The following ADCY9 variants were observed in gnomAD, a reference collection of about 807,000 sequenced individuals.
ADCY9 encodes adenylate cyclase 9.
In ADCY9, 50 loss-of-function variants were observed where a neutral mutation model predicts 101.5. That is an observed-to-expected ratio of 0.49 (90% CI 0.39 to 0.62). The LOEUF (loss-of-function observed/expected upper bound fraction) is 0.62. Ranked by LOEUF, ADCY9 falls within the 20% of genes least tolerant of loss-of-function variation. ADCY9 has a pLI of 0.00. For missense variants in ADCY9, 1,662 were observed against 1,800.4 expected (o/e 0.92, Z 1.39); for synonymous variants, 905 against 769.3 (o/e 1.18, Z -2.92).
At chr16:4,075,300 A>T (rs2141173321) in intron 2 of ADCY9, among the ~76,000 whole-genome samples, 1 of 152,252 alleles carries the variant, frequency 6.6e-6, no homozygotes, top group South Asian at 2.1e-4. Context: ...CACCACGCCC[A>T]GATAATTTTT....
At position 3,965,869 on chromosome 16, in the gene ADCY9, C is replaced by G. The variant is rs149834476; in HGVS notation, c.3968G>C (p.Arg1323Pro). 2.5e-6 allele frequency: 4 copies of G among 1,614,212 alleles called. No homozygotes were observed. Among genetic ancestry groups the G allele is most frequent in the Admixed American group, 3.3e-5 (2 of 60,026 alleles). The change falls in exon 11 of 11, where the codon CGA becomes CCA. Residue 1323 changes from arginine (R) to proline (P), a missense_variant. Transcript: ENST00000294016. ...GTCTTTCTCTATGGCTTTGCCAAAT[C>G]GACCCCTTTCTTCGGCTTTGACGGG... ...KEPVKAEERG[R>P]FGKAIEKDDC...
At chr16:4,006,015 GCAT>G (rs952230235) in intron 3 of ADCY9, among the ~76,000 whole-genome samples, 22 of 152,282 alleles carry the variant, frequency 1.4e-4, no homozygotes, top group African/African-American at 4.6e-4. Context: ...AAGTTTGCAG[GCAT>G]CCAGGGAATC....
In ADCY9 at chr16:3,992,809, C is replaced by G. The variant is rs60392977; in HGVS notation, c.1990-446G>C. ...AAGGTGGATGGAAACGGGCTCGTGT[C>G]GTGGGTGTCCCCCGTGGCTGTGGGA... is the stretch of plus-strand genomic sequence containing the variant. On this transcript the variant is annotated intron_variant, in intron 4 of 10. Transcript: ENST00000294016. The surrounding 1 kb of genome is among the most constrained non-coding windows in gnomAD (Gnocchi z 4.2). Among the ~76,000 whole-genome samples, 1 of 151,950 alleles carries G rather than the reference C, an allele frequency of 6.6e-6. No individual in the cohort carries two copies. The highest frequency in any genetic ancestry group is 2.1e-4 in the South Asian group (1 of 4,810).
chr16:4,059,758 C>A (rs764748746), intron 2 of ADCY9, among the ~76,000 whole-genome samples: 1 of 151,980 alleles, frequency 6.6e-6, no homozygotes, highest in Admixed American at 6.6e-5. Flanking sequence ...GTCAGCCTGG[C>A]GTGGTGATGC....
chr16:4,097,553 A>ATATATATATTT lies in ADCY9; in HGVS notation c.1693+16196_1693+16197insAAATATATATA, dbSNP rs1382458827. Reference sequence around the variant, plus strand: ...CATATATATATATATATATATATATATTTTTTTTTTTTTTTTTTAAGACAG... The same window carrying ATATATATATTT: ...CATATATATATATATATATATATATATATATATATTTTTTTTTTTTTTTTTTTTTAAGACAG... On this transcript the variant is annotated intron_variant, in intron 2 of 10. Coordinates refer to ENST00000294016, the MANE Select transcript of ADCY9 (RefSeq NM_001116.4). Among the ~76,000 whole-genome samples, 91 of 53,396 alleles carry ATATATATATTT rather than the reference A, an allele frequency of 1.7e-3. 3 individuals carry two copies. The highest frequency in any genetic ancestry group is 2.3e-3 in the East Asian group (3 of 1,314). The allele number at this position is 53,396 out of a possible 152,430, so 35.0% of individuals were successfully genotyped here. A position where few individuals can be genotyped will look rare whatever the true frequency, so the allele number is the denominator to read the frequency against.
rs1057176971 is a variant in ADCY9 at position 3,964,873 on chromosome 16, T to G, written c.*902A>C. ...CCAGCACCCCTCCCGGGAGCGCACA[T>G]GCTTCCGGGTAAATAAATAAATAAA... On this transcript the variant is annotated 3_prime_UTR_variant, in exon 11 of 11. Transcript: ENST00000294016. The G allele has an allele frequency of 8.0e-5, 12 of 150,628 alleles. No homozygotes were observed. The highest frequency in any genetic ancestry group is 2.7e-4 in the African/African-American group (11 of 41,380). The allele number at this position is 150,628 out of a possible 1,614,324, so 9.3% of individuals were successfully genotyped here.
intron 2 of ADCY9, among the ~76,000 whole-genome samples, chr16:4,104,028 C>T (rs138745629): frequency 0.015 from 2,270 of 152,268 alleles, 14 homozygotes; most frequent in South Asian, 0.029. Context: ...GGATTGCAAG[C>T]TGAACTGGCC....
chr16:3,989,160 A>G, intron 5 of ADCY9, 64 bp from the exon 6 acceptor site: 1 of 1,256,006 alleles, frequency 8.0e-7, no homozygotes, highest in Middle Eastern at 1.9e-4. Flanking sequence ...ATGTTTTCAG[A>G]TCATAATTAG....
At chr16:3,959,401 C>T (rs1212118603), downstream of ADCY9, among the ~76,000 whole-genome samples, 1 of 151,468 alleles carries the variant, frequency 6.6e-6, no homozygotes, top group African/African-American at 2.4e-5. Context: ...CTTGATTCCT[C>T]ATATCTGGAA....
At position 3,992,698 on chromosome 16, in the gene ADCY9, C is replaced by T. The variant is rs2056255067; in HGVS notation, c.1990-335G>A. On this transcript the variant is annotated intron_variant, in intron 4 of 10. Coordinates refer to ENST00000294016, the MANE Select transcript of ADCY9 (RefSeq NM_001116.4). This position sits in a 1 kb window ranked among gnomAD's most constrained non-coding sequence, Gnocchi z 4.2. ...CGAGGCCCCCAGAGTCTGCTTAGGC[C>T]AGAACCACGGTTCTGGGAGCAGGGT... is the stretch of plus-strand genomic sequence containing the variant. Among the ~76,000 whole-genome samples the T allele has an allele frequency of 6.6e-6, 1 of 152,064 alleles. No individual in the cohort carries two copies. Among genetic ancestry groups the T allele is most frequent in the African/African-American group, 2.4e-5 (1 of 41,402 alleles).
downstream of ADCY9, among the ~76,000 whole-genome samples, chr16:3,960,920 C>A (rs62036941): frequency 1.3e-5 from 2 of 152,150 alleles, no homozygotes; most frequent in Non-Finnish European, 2.9e-5. Flanking sequence ...TTTTCTTAAT[C>A]GCTTCCTCTT....
At chr16:3,985,788 C>A (rs1475692259) in intron 6 of ADCY9, among the ~76,000 whole-genome samples, 2 of 152,132 alleles carry the variant, frequency 1.3e-5, no homozygotes, top group Non-Finnish European at 2.9e-5. Flanking sequence ...GTCTCTCCTG[C>A]CTGCCCTGCT....
chr16:4,051,217 A>G (rs1167794724), intron 2 of ADCY9, among the ~76,000 whole-genome samples: 5 of 151,760 alleles, frequency 3.3e-5, no homozygotes, highest in Non-Finnish European at 1.5e-5. Flanking sequence ...CATCTCAAAA[A>G]AAACAAAAAC....
chr16:3,977,286 T>G (rs1193149221), intron 9 of ADCY9, among the ~76,000 whole-genome samples, 196 bp downstream of exon 9: 1 of 152,276 alleles, frequency 6.6e-6, no homozygotes, highest in Non-Finnish European at 1.5e-5. Context: ...ATATTCTTTT[T>G]CTTTCTTTTG....
At chr16:3,970,085 C>T (rs1374099171) in intron 10 of ADCY9, among the ~76,000 whole-genome samples, 1 of 152,144 alleles carries the variant, frequency 6.6e-6, no homozygotes, top group Non-Finnish European at 1.5e-5. Context: ...TGCATTCCTC[C>T]CGCGCACAGA....
At position 3,979,172 on chromosome 16, in the gene ADCY9, G is replaced by T; in HGVS notation, c.2623C>A (p.Leu875Ile). Residue 875 changes from leucine to isoleucine, a missense_variant, in exon 8 of 11, where the codon CTT (leucine) becomes ATT (isoleucine). By Grantham distance (5) the Leu-to-Ile change is conservative. Around this residue, in one of 5 missense-constraint regions of ADCY9, gnomAD observed 624 missense variants for 639.1 expected, o/e 0.98. Coordinates refer to ENST00000294016, the MANE Select transcript of ADCY9 (RefSeq NM_001116.4). ...RHCIGAILVS[L>I]PALAVYSHVT... ...TGGGAGTAGACGGCCAGTGCGGGAA[G>T]CGACACCAGGATGGCCCCGATGCAG... The T allele has an allele frequency of 6.2e-7, 1 of 1,614,198 alleles. No individual in the cohort carries two copies. The highest frequency in any genetic ancestry group is 8.5e-7 in the Non-Finnish European group (1 of 1,180,044).
At position 4,108,248 on chromosome 16, in the gene ADCY9, C is replaced by G. The variant is rs181448811; in HGVS notation, c.1693+5502G>C. On this transcript the variant is annotated intron_variant, in intron 2 of 10. Transcript: ENST00000294016. The stretch of plus-strand genomic sequence containing the variant: ...AACAGCTCGAGATAACACGTCTCAC[C>G]ATTTTTTGCTTGTGGCCCAAGGCAG... Among the ~76,000 whole-genome samples the G allele has an allele frequency of 4.0e-3, 603 of 152,088 alleles. 3 individuals are homozygous for G. Among genetic ancestry groups the G allele is most frequent in the African/African-American group, 0.014 (574 of 41,510 alleles).
intron 2 of ADCY9, among the ~76,000 whole-genome samples, chr16:4,105,536 C>T (rs979035324): frequency 8.6e-5 from 13 of 151,840 alleles, no homozygotes; most frequent in African/African-American, 2.2e-4. Flanking sequence ...AAAAATTGGC[C>T]GGGCATGGTG....
At position 4,114,086 on chromosome 16, in the gene ADCY9, C is replaced by T. The variant is rs1183037749; in HGVS notation, c.1357G>A (p.Glu453Lys). The change falls in exon 2 of 11, where the codon GAG becomes AAG. Residue 453 changes from glutamate (E) to lysine (K), a missense_variant. Glu to Lys is a moderately conservative substitution (Grantham distance 56). Coordinates refer to ENST00000294016, the MANE Select transcript of ADCY9 (RefSeq NM_001116.4). The surrounding 1 kb of genome is among the most constrained non-coding windows in gnomAD (Gnocchi z 4.3). Reference protein sequence around the residue: ...DCYYCVAGCPEPRADHAYCCI... With the variant: ...DCYYCVAGCPKPRADHAYCCI... The stretch of plus-strand genomic sequence containing the variant: ...CAGTAGGCATGGTCGGCCCGGGGCT[C>T]GGGACAGCCCGCCACGCAGTAGTAA... 1.2e-6 allele frequency: 2 copies of T among 1,613,784 alleles called. No homozygotes were observed. The highest frequency in any genetic ancestry group is 1.7e-5 in the Admixed American group (1 of 60,018).
Sources: gnomAD v4.1 joint callset for allele counts (sites outside exome capture counted in the v4.1 genomes callset) on GRCh38, gnomAD v4.1.1 for gene constraint, gnomAD v4.1.1 regional missense constraint, Gnocchi (gnomAD v3.1) non-coding constraint, MANE v1.5 for transcripts, NCBI Gene and HGNC (gene_info 2026-07-23, HGNC 2026-07-21) for gene names.